The following CERT1 variants were observed in gnomAD, a reference collection of about 807,000 sequenced individuals.
CERT1 encodes the protein ceramide transporter 1.
CERT1 carries 31 observed loss-of-function variants against 87.9 expected under a neutral mutation model. The ratio of observed to expected loss-of-function variants is 0.35; its 90% confidence interval spans 0.27 to 0.48. The LOEUF (loss-of-function observed/expected upper bound fraction) is 0.48. Among genes scored for constraint, CERT1 ranks in the 20% least tolerant of loss-of-function variants. CERT1 has a pLI of 0.99. For synonymous variants in CERT1, 289 were observed against 250.9 expected (o/e 1.15, Z -1.44); for missense variants, 487 against 758.0 (o/e 0.64, Z 4.20).
At chr5:75,429,695 G>C (rs1763786548) in intron 3 of CERT1, among the ~76,000 whole-genome samples, 1 of 151,998 alleles carries the variant, frequency 6.6e-6, no homozygotes, top group African/African-American at 2.4e-5. Context: ...TCTTAAACAA[G>C]CAAGTAAATC....
At chr5:75,413,972 A>C (rs781331990) in intron 7 of CERT1, among the ~76,000 whole-genome samples, 1 of 152,178 alleles carries the variant, frequency 6.6e-6, no homozygotes, top group Non-Finnish European at 1.5e-5. Context: ...CCAAAAAATG[A>C]AAAAAATCTA....
chr5:75,415,339 C>G (rs1282479969), intron 7 of CERT1, among the ~76,000 whole-genome samples: 1 of 152,170 alleles, frequency 6.6e-6, no homozygotes, highest in Admixed American at 6.5e-5. Flanking sequence ...ACCAATACTG[C>G]CTGCCATCTT....
At chr5:75,488,208 T>C (rs933311131) in intron 2 of CERT1, among the ~76,000 whole-genome samples, 7 of 152,042 alleles carry the variant, frequency 4.6e-5, no homozygotes, top group East Asian at 1.9e-4. Flanking sequence ...AATAGAATGT[T>C]TGTAACACAA....
chr5:75,502,520 A>G (rs1435711479), intron 2 of CERT1, among the ~76,000 whole-genome samples: 2 of 152,202 alleles, frequency 1.3e-5, no homozygotes, highest in Non-Finnish European at 2.9e-5. Context: ...TCAACAGAAT[A>G]TAACAGTTAA....
chr5:75,425,249 G>A, intron 5 of CERT1, 112 bp downstream of exon 5: 1 of 1,048,050 alleles, frequency 9.5e-7, no homozygotes, highest in South Asian at 1.8e-5. Flanking sequence ...GGGGTTTGCA[G>A]CAAAAAATGA....
At chr5:75,385,115 C>T (rs1429339955) in intron 13 of CERT1, among the ~76,000 whole-genome samples, 2 of 152,168 alleles carry the variant, frequency 1.3e-5, no homozygotes, top group African/African-American at 4.8e-5. Flanking sequence ...CAATGATAAA[C>T]ATCTGATGAT....
intron 3 of CERT1, among the ~76,000 whole-genome samples, chr5:75,429,210 A>ATTATTG (rs1763763828): frequency 6.7e-6 from 1 of 148,952 alleles, no homozygotes; most frequent in African/African-American, 2.5e-5. Context: ...TATTATTATT[A>ATTATTG]TTATTTTGAG....
intron 11 of CERT1, among the ~76,000 whole-genome samples, 155 bp downstream of exon 11, chr5:75,399,155 T>C (rs1273991512): frequency 1.3e-5 from 2 of 152,232 alleles, no homozygotes; most frequent in Non-Finnish European, 2.9e-5. Context: ...AGGAACTATT[T>C]AGTAGACAAG....
At chr5:75,404,020 G>C (rs904962078) in intron 8 of CERT1, among the ~76,000 whole-genome samples, 2 of 152,106 alleles carry the variant, frequency 1.3e-5, no homozygotes, top group Non-Finnish European at 2.9e-5. Flanking sequence ...AGGTAGGCTT[G>C]GGTTTAGCAT....
rs77443979 is a variant in CERT1 at position 75,483,377 on chromosome 5, G to C, written c.231+22605C>G. On this transcript the variant is annotated intron_variant, in intron 2 of 16. Coordinates refer to ENST00000643780, the MANE Select transcript of CERT1 (RefSeq NM_001379029.1). ...AATAAAGAATGTAGCAAGCCTACAA[G>C]ATCTACAAAATACCCCCAAAAGGGC... 7.6e-3 allele frequency among the ~76,000 whole-genome samples: 1,150 copies of C among 152,218 alleles called. 10 individuals are homozygous for C. The highest frequency in any genetic ancestry group is 9.8e-3 in the Non-Finnish European group (663 of 67,986).
intron 2 of CERT1, among the ~76,000 whole-genome samples, chr5:75,492,765 C>G (rs776327509): frequency 6.6e-6 from 1 of 152,156 alleles, no homozygotes. Context: ...CAACTATCAA[C>G]GTCCAGAGAG....
intron 9 of CERT1, chr5:75,402,020 G>A (rs546668047): frequency 1.3e-5 from 2 of 152,308 alleles, no homozygotes; most frequent in East Asian, 1.9e-4. Context: ...TAGTTGTAAC[G>A]TATGGTAACT....
intron 8 of CERT1, chr5:75,410,772 T>C (rs1026578265): frequency 3.7e-6 from 1 of 270,122 alleles, no homozygotes; most frequent in South Asian, 1.5e-4. Context: ...ATTTGTCCTA[T>C]CAAGTGAACA....
intron 3 of CERT1, among the ~76,000 whole-genome samples, chr5:75,433,035 C>T (rs142184897): frequency 1.5e-3 from 230 of 152,236 alleles, no homozygotes; most frequent in Middle Eastern, 6.8e-3. Context: ...TCTGGGTTAT[C>T]TAACCTATTC....
intron 3 of CERT1, among the ~76,000 whole-genome samples, chr5:75,429,607 C>T (rs1763782124): frequency 6.6e-6 from 1 of 151,954 alleles, no homozygotes; most frequent in Middle Eastern, 3.2e-3. Context: ...TCACTTGAGG[C>T]GAGGAGTTTA....
chr5:75,498,379 A>C (rs1237121830), intron 2 of CERT1, among the ~76,000 whole-genome samples: 2 of 152,208 alleles, frequency 1.3e-5, no homozygotes, highest in Non-Finnish European at 2.9e-5. Flanking sequence ...CCTTCATGGC[A>C]GCCCCTCCCA....
At chr5:75,421,291 C>T (rs1017290191) in intron 5 of CERT1, among the ~76,000 whole-genome samples, 1 of 152,082 alleles carries the variant, frequency 6.6e-6, no homozygotes, top group Non-Finnish European at 1.5e-5. Flanking sequence ...ACCTTATTTC[C>T]CTTCTTTGAT....
intron 3 of CERT1, among the ~76,000 whole-genome samples, chr5:75,438,200 G>A (rs554636976): frequency 5.7e-4 from 87 of 152,070 alleles, no homozygotes; most frequent in African/African-American, 2.0e-3. Context: ...CTCAAAAATC[G>A]TATCTATCAT....
intron 3 of CERT1, among the ~76,000 whole-genome samples, chr5:75,429,406 T>C (rs1429947059): frequency 1.3e-5 from 2 of 152,122 alleles, no homozygotes; most frequent in African/African-American, 2.4e-5. Context: ...TTCATTATGT[T>C]GGCCAGGCTA....
Sources: allele counts gnomAD v4.1 joint callset (sites outside exome capture counted in the v4.1 genomes callset), GRCh38; gene constraint gnomAD v4.1.1; transcripts MANE v1.5; gene names NCBI Gene and HGNC (gene_info 2026-07-23, HGNC 2026-07-21).